Variants in STK38L observed in about 807,000 individuals in gnomAD.
STK38L encodes the protein serine/threonine kinase 38 like, also known as serine/threonine-protein kinase 38-like.
STK38L carries 28 observed loss-of-function variants against 59.7 expected under a neutral mutation model. That is an observed-to-expected ratio of 0.47 (90% CI 0.35 to 0.64). STK38L has a LOEUF of 0.64. Among genes scored for constraint, STK38L ranks in the 30% least tolerant of loss-of-function variants. The probability of loss-of-function intolerance (pLI) is 0.01; values close to 1 mark genes in which losing one functional copy is unlikely to be tolerated. For missense variants in STK38L, 314 were observed against 555.8 expected, an observed-to-expected ratio of 0.56 and a Z score of 4.37; for synonymous variants, 162 against 176.8, an observed-to-expected ratio of 0.92 and a Z score of 0.66.
intron 1 of STK38L, among the ~76,000 whole-genome samples, chr12:27,259,871 C>A (rs1306061229): frequency 6.6e-6 from 1 of 152,174 alleles, no homozygotes; most frequent in African/African-American, 2.4e-5. Context: ...TCCCTCCTTT[C>A]TTTTTCTGTG....
intron 11 of STK38L, 94 bp from the exon 12 acceptor site, chr12:27,319,234 T>C: frequency 1.3e-6 from 1 of 756,482 alleles, no homozygotes; most frequent in Admixed American, 2.8e-5. Context: ...AGAAAAACAT[T>C]ATATTTCTTT....
chr12:27,292,419 T>C (rs924062471), intron 1 of STK38L, among the ~76,000 whole-genome samples: 3 of 152,234 alleles, frequency 2.0e-5, no homozygotes, highest in East Asian at 1.9e-4. Flanking sequence ...ATACAAGATA[T>C]TGTATAATCA....
intron 12 of STK38L, among the ~76,000 whole-genome samples, chr12:27,320,109 A>G (rs1944688326): frequency 1.3e-5 from 2 of 151,956 alleles, no homozygotes; most frequent in South Asian, 4.2e-4. Flanking sequence ...AAGTTTTGCT[A>G]TTTGCTATCC....
chr12:27,261,473 C>A (rs1015654083), intron 1 of STK38L, among the ~76,000 whole-genome samples: 1 of 152,176 alleles, frequency 6.6e-6, no homozygotes, highest in Admixed American at 6.5e-5. Flanking sequence ...AGACCTGAGA[C>A]CACTTTGTTG....
chr12:27,245,803 AG>A (rs941237704), intron 1 of STK38L: 4 of 152,188 alleles, frequency 2.6e-5, no homozygotes, highest in African/African-American at 9.7e-5. Flanking sequence ...CAAAATAGGT[AG>A]GTACAATGAA....
At chr12:27,277,332 G>A (rs1215334962) in intron 1 of STK38L, among the ~76,000 whole-genome samples, 2 of 141,588 alleles carry the variant, frequency 1.4e-5, no homozygotes, top group African/African-American at 5.1e-5. Context: ...CTGGGTAATA[G>A]AGCAAGACCT....
At chr12:27,263,354 T>C (rs1943241271) in intron 1 of STK38L, among the ~76,000 whole-genome samples, 1 of 152,198 alleles carries the variant, frequency 6.6e-6, no homozygotes, top group Non-Finnish European at 1.5e-5. Flanking sequence ...AGCAGGTCTT[T>C]TATTTTATTA....
intron 1 of STK38L, among the ~76,000 whole-genome samples, chr12:27,262,006 C>T (rs578059414): frequency 1.1e-4 from 17 of 152,268 alleles, no homozygotes; most frequent in African/African-American, 3.6e-4. Flanking sequence ...TTAGCAGCAG[C>T]GGCAGCAGAT....
At chr12:27,261,304 A>G (rs1197012925) in intron 1 of STK38L, among the ~76,000 whole-genome samples, 1 of 152,214 alleles carries the variant, frequency 6.6e-6, no homozygotes, top group African/African-American at 2.4e-5. Flanking sequence ...AATACCAGCA[A>G]TTCTTAATGC....
intron 3 of STK38L, among the ~76,000 whole-genome samples, chr12:27,306,908 T>C (rs2136644203): frequency 6.6e-6 from 1 of 152,114 alleles, no homozygotes; most frequent in East Asian, 1.9e-4. Flanking sequence ...TTTTTGTATT[T>C]TTAGTAGAGA....
chr12:27,275,924 C>T lies in STK38L; in HGVS notation c.-11-21786C>T, dbSNP rs1296465443. 5.3e-5 allele frequency among the ~76,000 whole-genome samples: 8 copies of T among 152,014 alleles called. No individual in the cohort carries two copies. The East Asian group carries it at 1.3e-3, about 26-fold the overall frequency. On this transcript the variant is annotated intron_variant, in intron 1 of 13. Coordinates refer to ENST00000389032, the MANE Select transcript of STK38L (RefSeq NM_015000.4). ...TCCATAAACTCAAAATCAAAGAGAC[C>T]GAGTAACTTAGACAAGAGCACCAAG...
intron 1 of STK38L, among the ~76,000 whole-genome samples, chr12:27,262,447 A>G (rs1943220557): frequency 6.6e-6 from 1 of 152,196 alleles, no homozygotes; most frequent in African/African-American, 2.4e-5. Context: ...TTTGCTAGGT[A>G]TTAACGTTAA....
rs1034485820 is a variant in STK38L, at chr12:27,269,750, C to G, written c.-12+25418C>G. The stretch of plus-strand genomic sequence containing the variant: ...CTTTGCCTCCTGGGTTCAAGTGATT[C>G]TCCTGCCTCAGCTTCCCGAGTAGCT... On this transcript the variant is annotated intron_variant, in intron 1 of 13. Coordinates refer to ENST00000389032, the MANE Select transcript of STK38L (RefSeq NM_015000.4). 6.6e-5 allele frequency among the ~76,000 whole-genome samples: 10 copies of G among 152,154 alleles called. No individual in the cohort carries two copies. In the East Asian group the frequency reaches 1.7e-3, roughly 26 times the overall value.
At chr12:27,259,398 C>T (rs912379760) in intron 1 of STK38L, among the ~76,000 whole-genome samples, 2 of 152,072 alleles carry the variant, frequency 1.3e-5, no homozygotes, top group African/African-American at 2.4e-5. Flanking sequence ...CTTTTATGGC[C>T]GCTTCACGTG....
At chr12:27,307,942 T>C (rs556043321) in intron 3 of STK38L, among the ~76,000 whole-genome samples, 1 of 152,300 alleles carries the variant, frequency 6.6e-6, no homozygotes, top group Non-Finnish European at 1.5e-5. Context: ...CAAGTCTCAG[T>C]AGTTGTGAAA....
At chr12:27,272,433 T>C (rs10771328) in intron 1 of STK38L, among the ~76,000 whole-genome samples, 87,821 of 152,062 alleles carry the variant, frequency 0.58, 26,030 homozygotes, top group Non-Finnish European at 0.64. Flanking sequence ...ATGCTTTGTT[T>C]TCCTTTTGAT....
chr12:27,316,607 C>T (rs555541649), intron 9 of STK38L, among the ~76,000 whole-genome samples: 3 of 152,222 alleles, frequency 2.0e-5, no homozygotes, highest in Admixed American at 2.0e-4. Flanking sequence ...ATCTGTGGTC[C>T]TACATTTTGC....
intron 1 of STK38L, among the ~76,000 whole-genome samples, chr12:27,264,949 T>G (rs1178140884): frequency 1.3e-5 from 2 of 152,174 alleles, no homozygotes; most frequent in Non-Finnish European, 2.9e-5. Flanking sequence ...CTACTCTTTT[T>G]GAGTATTGTT....
At chr12:27,274,209 C>T (rs1258333457) in intron 1 of STK38L, among the ~76,000 whole-genome samples, 4 of 146,090 alleles carry the variant, frequency 2.7e-5, no homozygotes, top group Non-Finnish European at 6.0e-5. Context: ...TGCACTCCAG[C>T]CTGGCAACAG....
Sources: allele counts gnomAD v4.1 joint callset (sites outside exome capture counted in the v4.1 genomes callset), GRCh38; gene constraint gnomAD v4.1.1; transcripts MANE v1.5; gene names NCBI Gene and HGNC (gene_info 2026-07-23, HGNC 2026-07-21).